Variants in USP32 observed in about 807,000 individuals in gnomAD.
The protein encoded by USP32 is ubiquitin specific peptidase 32.
In USP32, 59 loss-of-function variants were observed where a neutral mutation model predicts 204.8. The ratio of observed to expected loss-of-function variants is 0.29; its 90% CI spans 0.23 to 0.36. The LOEUF (loss-of-function observed/expected upper bound fraction) is 0.36. USP32 is among the 10% of genes least tolerant of loss of function. USP32 has a pLI of 1.00. For missense variants in USP32, 1,160 were observed against 1,946.4 expected (o/e 0.60, Z 7.60); for synonymous variants, 517 against 678.4 (o/e 0.76, Z 3.70).
At chr17:60,399,199 G>A (rs918236038) in intron 1 of USP32, among the ~76,000 whole-genome samples, 30 of 152,186 alleles carry the variant, frequency 2.0e-4, no homozygotes, top group African/African-American at 7.2e-4. Flanking sequence ...TGTTCTAGGC[G>A]CTGAAGATAC....
intron 2 of USP32, among the ~76,000 whole-genome samples, chr17:60,303,853 G>C (rs964795791): frequency 7.2e-5 from 11 of 152,022 alleles, no homozygotes; most frequent in African/African-American, 2.7e-4. Context: ...TATCCAAAAC[G>C]AAACAAAAGG....
rs1567903830 is a variant in USP32 at position 60,419,821 on chromosome 17, ATT to A, written c.106+2423_106+2424del. ...CTGCAACTCAAGGTTAAAAAAAATT[ATT>A]ATTATTATTATTATTATTATTATTA... On this transcript the variant is annotated intron_variant, in intron 1 of 3. Transcript: ENST00000588898. 6.7e-4 allele frequency among the ~76,000 whole-genome samples: 5 copies of A among 7,478 alleles called. No homozygotes were observed. In the East Asian group the frequency reaches 0.015, roughly 22 times the overall value. 4.9% of individuals were successfully genotyped at this position (7,478 alleles called of 152,430 possible).
Position 60,180,612 on chromosome 17 carries a change from C to A in USP32, c.4574G>T (p.Gly1525Val). 1 of 1,613,510 alleles carries A rather than the reference C, an allele frequency of 6.2e-7. No homozygotes were observed. Among genetic ancestry groups the A allele is most frequent in the Non-Finnish European group, 8.5e-7 (1 of 1,179,656 alleles). The stretch of plus-strand genomic sequence containing the variant: ...GTTTTTGGCATAAGTGACGTAATGG[C>A]CCCCACCCAGAATTCCTGAATGGCA... ...ISCHSGILGG[G>V]HYVTYAKNPN... The change falls in exon 33 of 34, where the codon GGC (glycine) becomes GTC (valine). Residue 1525 changes from glycine (G) to valine (V), a missense_variant. Physicochemically the swap from Gly to Val is moderately radical, Grantham distance 109 (BLOSUM62 -3). Coordinates refer to ENST00000300896, the MANE Select transcript of USP32 (RefSeq NM_032582.4).
intron 3 of USP32, among the ~76,000 whole-genome samples, chr17:60,296,173 G>A (rs1049070813): frequency 6.6e-6 from 1 of 152,160 alleles, no homozygotes; most frequent in Non-Finnish European, 1.5e-5. Flanking sequence ...GTTAAGCTAG[G>A]TGGAGGTACG....
intron 16 of USP32, among the ~76,000 whole-genome samples, 165 bp from the exon 17 acceptor site, chr17:60,214,939 A>T (rs1238651637): frequency 1.3e-5 from 2 of 152,090 alleles, no homozygotes; most frequent in Non-Finnish European, 2.9e-5. Context: ...AAATGCAGGC[A>T]GGAGACCCAA....
At chr17:60,268,485 A>C (rs2086651180) in intron 7 of USP32, among the ~76,000 whole-genome samples, 1 of 150,102 alleles carries the variant, frequency 6.7e-6, no homozygotes, top group Non-Finnish European at 1.5e-5. Context: ...GGATGGGAGG[A>C]TCCATTGAGC....
At chr17:60,278,269 C>T (rs182036979) in intron 5 of USP32, among the ~76,000 whole-genome samples, 5 of 151,826 alleles carry the variant, frequency 3.3e-5, no homozygotes, top group Admixed American at 2.6e-4. Flanking sequence ...TATTATATGC[C>T]TGACATTGTA....
chr17:60,188,823 C>G (rs2084309231), intron 29 of USP32, among the ~76,000 whole-genome samples: 1 of 152,314 alleles, frequency 6.6e-6, no homozygotes, highest in East Asian at 1.9e-4. Flanking sequence ...ACATGACTTT[C>G]TAAGCACATT....
At chr17:60,295,069 A>G (rs2087393054) in intron 3 of USP32, among the ~76,000 whole-genome samples, 1 of 152,204 alleles carries the variant, frequency 6.6e-6, no homozygotes. Flanking sequence ...CCTCTTATAC[A>G]CTGTTAATAG....
In USP32 at chr17:60,271,467, T is replaced by G. The variant is rs1489073309; in HGVS notation, c.586A>C (p.Ile196Leu). Residue 196 changes from isoleucine (I) to leucine (L), a missense_variant, in exon 6 of 34, where the codon ATC (isoleucine) becomes CTC (leucine). By Grantham distance (5) the Ile-to-Leu change is conservative (BLOSUM62 2). Around this residue, in one of 8 missense-constraint regions of USP32, gnomAD observed 536 missense variants for 680.9 expected, o/e 0.79. Transcript: ENST00000300896. ...CAATAGCGTTTCTCAAGATCAATGA[T>G]GTCTGATTCCTCCACTAAGGGTCAA... ...AGVTHLEESDIIDLEKRYWLL... is the reference protein window; with the variant it reads ...AGVTHLEESDLIDLEKRYWLL... 1.9e-6 allele frequency: 3 copies of G among 1,613,918 alleles called. No individual in the cohort carries two copies. The highest frequency in any genetic ancestry group is 2.5e-6 in the Non-Finnish European group (3 of 1,179,872).
chr17:60,190,358 A>G (rs1413894057), intron 29 of USP32, among the ~76,000 whole-genome samples: 4 of 152,228 alleles, frequency 2.6e-5, no homozygotes, highest in Admixed American at 2.6e-4. Context: ...ATGGACAAAG[A>G]CAATGCCCCA....
intron 4 of USP32, among the ~76,000 whole-genome samples, chr17:60,292,447 C>T (rs1475909935): frequency 6.6e-6 from 1 of 152,098 alleles, no homozygotes; most frequent in Non-Finnish European, 1.5e-5. Flanking sequence ...TATCCAACCC[C>T]CTAACCTGCT....
At chr17:60,415,922 C>G (rs1277766617) in intron 1 of USP32, among the ~76,000 whole-genome samples, 1 of 152,058 alleles carries the variant, frequency 6.6e-6, no homozygotes, top group Non-Finnish European at 1.5e-5. Flanking sequence ...TCACTGCAAC[C>G]TCTGCCTCCC....
chr17:60,259,149 T>C (rs2086389710), intron 9 of USP32, among the ~76,000 whole-genome samples: 2 of 152,196 alleles, frequency 1.3e-5, no homozygotes, highest in African/African-American at 4.8e-5. Context: ...TAGCTCCCTT[T>C]ACACATTTTA....
At chr17:60,201,653 G>A (rs946680989) in intron 26 of USP32, among the ~76,000 whole-genome samples, 3 of 150,462 alleles carry the variant, frequency 2.0e-5, no homozygotes, top group African/African-American at 7.3e-5. Context: ...TACTAGTGTC[G>A]TTGATCATTT....
At position 60,392,115 on chromosome 17, in the gene USP32, G is replaced by T. The variant is rs995203954; in HGVS notation, c.-176C>A. On this transcript the variant is annotated 5_prime_UTR_variant, in exon 1 of 34. Transcript: ENST00000300896. ...GCGGCTCCTCCCGGTCGCCGCCACC[G>T]CCTCCATGCCGGATCACGTGACTCT... 2 of 570,894 alleles carry T rather than the reference G, an allele frequency of 3.5e-6. No homozygotes were observed. Among genetic ancestry groups the T allele is most frequent in the Non-Finnish European group, 2.9e-6 (1 of 346,050 alleles). 35.4% of individuals were successfully genotyped at this position (570,894 alleles called of 1,614,324 possible).
chr17:60,323,906 G>A (rs1598245404), intron 2 of USP32, among the ~76,000 whole-genome samples: 1 of 152,182 alleles, frequency 6.6e-6, no homozygotes, highest in African/African-American at 2.4e-5. Flanking sequence ...CTTCTTCAAA[G>A]ATGGAATACT....
intron 2 of USP32, among the ~76,000 whole-genome samples, chr17:60,319,862 A>G (rs1378970116): frequency 1.3e-5 from 2 of 152,210 alleles, no homozygotes; most frequent in African/African-American, 4.8e-5. Context: ...AATAGGTATT[A>G]TAAATAATCT....
rs368829294 is a variant in USP32, at chr17:60,192,947, CAA to C, written c.3435-19_3435-18del. ...CTGTCGTCACTGAAACAGAAGAGAACAAAAAGAGTGTAAGAAGCATTTCTGGT... is the reference window on the plus strand; with the variant it reads ...CTGTCGTCACTGAAACAGAAGAGAACAAAGAGTGTAAGAAGCATTTCTGGT... On this transcript the variant is annotated intron_variant, in intron 27 of 33. Coordinates refer to ENST00000300896, the MANE Select transcript of USP32 (RefSeq NM_032582.4). 32 of 1,612,336 alleles carry C rather than the reference CAA, an allele frequency of 2.0e-5. No individual in the cohort carries two copies. Among genetic ancestry groups the C allele is most frequent in the Non-Finnish European group, 2.5e-5 (29 of 1,178,848 alleles).
Sources: allele counts gnomAD v4.1 joint callset (sites outside exome capture counted in the v4.1 genomes callset), GRCh38; gene constraint gnomAD v4.1.1; regional missense constraint gnomAD v4.1.1; transcripts MANE v1.5; gene names NCBI Gene and HGNC (gene_info 2026-07-23, HGNC 2026-07-21).